Variants in CFAP47 observed in about 807,000 individuals in gnomAD.
CFAP47 encodes the protein cilia- and flagella-associated protein 47.
Under a neutral mutation model 148.1 loss-of-function variants are expected in CFAP47, and 29 were observed. The observed-to-expected ratio is 0.20, with a 90% CI of 0.15 to 0.27. CFAP47 has a LOEUF of 0.27. Ranked by LOEUF, CFAP47 falls within the 10% of genes least tolerant of loss-of-function variation. CFAP47 has a pLI of 1.00. For missense variants in CFAP47, 1,872 were observed against 1,697.5 expected (o/e 1.10, Z -1.81); for synonymous variants, 664 against 577.3 (o/e 1.15, Z -2.15).
At chrX:36,012,048 C>A (rs766826051) in intron 21 of CFAP47, among the ~76,000 whole-genome samples, 1 of 110,963 alleles carries the variant, frequency 9.0e-6, no homozygotes, top group Non-Finnish European at 1.9e-5. Context: ...ATTTATGTGG[C>A]CAGCAAGCAT....
intron 1 of CFAP47, among the ~76,000 whole-genome samples, chrX:35,922,458 A>G (rs751541775): frequency 4.4e-5 from 5 of 112,673 alleles, no homozygotes; most frequent in Non-Finnish European, 9.4e-5. Context: ...AGAGTGCTCA[A>G]CAACATGCAG....
chrX:35,941,368 A>T lies in CFAP47; in HGVS notation c.487A>T (p.Ile163Phe). 1.8e-6 allele frequency: 2 copies of T among 1,127,867 alleles called. No individual in the cohort carries two copies. Among genetic ancestry groups the T allele is most frequent in the South Asian group, 2.1e-5 (1 of 47,655 alleles). 92.9% of individuals were successfully genotyped at this position (1,127,867 alleles called of 1,213,427 possible). The change falls in exon 3 of 64, where the codon ATT (isoleucine) becomes TTT (phenylalanine). Residue 163 changes from isoleucine (I) to phenylalanine (F), a missense_variant. Transcript: ENST00000378653. ...CAATAGTAAAGTATATTCTAAAGAGATTACTATCACTAACCATGGCAAAGC... is the reference window on the plus strand; with the variant it reads ...CAATAGTAAAGTATATTCTAAAGAGTTTACTATCACTAACCATGGCAAAGC... ...VANSKVYSKE[I>F]TITNHGKAPG...
chrX:36,175,459 A>T (rs1035689042), intron 39 of CFAP47, among the ~76,000 whole-genome samples: 47 of 111,325 alleles, frequency 4.2e-4, no homozygotes, highest in African/African-American at 1.4e-3. Flanking sequence ...GATGATGGTG[A>T]TGTACAGATT....
intron 33 of CFAP47, among the ~76,000 whole-genome samples, chrX:36,107,545 A>T (rs1938485824): frequency 8.9e-6 from 1 of 112,398 alleles, no homozygotes; most frequent in African/African-American, 3.2e-5. Context: ...AAGTATTTAA[A>T]ACTAGTTGAA....
intron 29 of CFAP47, among the ~76,000 whole-genome samples, chrX:36,084,984 G>A (rs1189649852): frequency 9.0e-6 from 1 of 111,285 alleles, no homozygotes; most frequent in Non-Finnish European, 1.9e-5. Flanking sequence ...TAGATAGCTT[G>A]CCATACTCAC....
chrX:36,335,094 G>A (rs1167504055), intron 57 of CFAP47, among the ~76,000 whole-genome samples: 1 of 110,634 alleles, frequency 9.0e-6, no homozygotes, highest in Non-Finnish European at 1.9e-5. Flanking sequence ...CACATTATCT[G>A]TATTTAAATA....
chrX:35,930,724 T>C (rs1457611873), intron 2 of CFAP47, among the ~76,000 whole-genome samples: 1 of 111,879 alleles, frequency 8.9e-6, no homozygotes, highest in Non-Finnish European at 1.9e-5. Context: ...TTTATGATTT[T>C]AGAGCTGTTA....
intron 39 of CFAP47, among the ~76,000 whole-genome samples, chrX:36,169,797 C>A (rs772236627): frequency 9.0e-6 from 1 of 111,490 alleles, no homozygotes; most frequent in East Asian, 2.8e-4. Context: ...TTTTGTTTGA[C>A]CCAACTGCTG....
intron 62 of CFAP47, among the ~76,000 whole-genome samples, chrX:36,377,135 A>G (rs1942031441): frequency 1.8e-5 from 2 of 111,555 alleles, no homozygotes; most frequent in South Asian, 7.5e-4. Context: ...TTGGGTATAT[A>G]TCCAGTAATG....
chrX:36,165,324 A>G (rs1465131473), intron 39 of CFAP47, among the ~76,000 whole-genome samples: 1 of 111,522 alleles, frequency 9.0e-6, no homozygotes, highest in Non-Finnish European at 1.9e-5. Context: ...TTTTAATAAT[A>G]GTGAATATTT....
rs1940798735 is a variant in CFAP47, at chrX:36,259,996, A to G, written c.7444+8552A>G. Among the ~76,000 whole-genome samples the G allele has an allele frequency of 1.8e-5, 2 of 111,470 alleles. 1 individual carries two copies. Among genetic ancestry groups the G allele is most frequent in the Admixed American group, 1.9e-4 (2 of 10,456 alleles). On this transcript the variant is annotated intron_variant, in intron 49 of 63. Transcript: ENST00000378653. ...TTTCTGTTCCTGTGTTAGTTTGCTC[A>G]GGATAATGGCCTCCAGATGCATCCA...
intron 22 of CFAP47, among the ~76,000 whole-genome samples, chrX:36,024,277 T>C (rs1408531066): frequency 8.9e-6 from 1 of 111,882 alleles, no homozygotes; most frequent in African/African-American, 3.3e-5. Flanking sequence ...CCCTGACTGG[T>C]GCCCTATCCT....
intron 46 of CFAP47, among the ~76,000 whole-genome samples, chrX:36,233,503 T>C (rs1940402062): frequency 9.0e-6 from 1 of 111,480 alleles, no homozygotes; most frequent in Non-Finnish European, 1.9e-5. Flanking sequence ...TGAGCCTATG[T>C]GTGTCTCTGC....
intron 2 of CFAP47, among the ~76,000 whole-genome samples, chrX:35,933,980 A>T (rs6527522): frequency 0.19 from 20,474 of 110,661 alleles, 1,562 homozygotes; most frequent in African/African-American, 0.28. Flanking sequence ...TAATCCTTTG[A>T]CAGATGTGTA....
At chrX:36,034,787 C>T (rs1311763951) in intron 23 of CFAP47, among the ~76,000 whole-genome samples, 2 of 110,501 alleles carry the variant, frequency 1.8e-5, no homozygotes, top group East Asian at 5.7e-4. Context: ...CAACATTTCT[C>T]CAAGATCCCC....
At chrX:36,008,629 G>T (rs886503869) in intron 21 of CFAP47, among the ~76,000 whole-genome samples, 2 of 109,335 alleles carry the variant, frequency 1.8e-5, no homozygotes, top group Admixed American at 2.0e-4. Flanking sequence ...AAATAGCCGG[G>T]CATGGTGATG....
chrX:35,933,759 G>T (rs1935867363), intron 2 of CFAP47, among the ~76,000 whole-genome samples: 1 of 111,975 alleles, frequency 8.9e-6, no homozygotes, highest in Non-Finnish European at 1.9e-5. Flanking sequence ...TTGGATAAAA[G>T]ACATTTTAAT....
At chrX:35,931,475 A>AT (rs200650227) in intron 2 of CFAP47, among the ~76,000 whole-genome samples, 4,376 of 111,440 alleles carry the variant, frequency 0.039, 205 homozygotes, top group African/African-American at 0.13. Flanking sequence ...CCTTCCCCAT[A>AT]TTTCGACCTC....
intron 56 of CFAP47, among the ~76,000 whole-genome samples, chrX:36,316,878 C>T (rs983418026): frequency 7.2e-5 from 8 of 111,808 alleles, no homozygotes; most frequent in Non-Finnish European, 1.5e-4. Context: ...CTCCACCTCC[C>T]GGGCTCAGAT....
Sources: gnomAD v4.1 joint callset for allele counts (sites outside exome capture counted in the v4.1 genomes callset) on GRCh38, gnomAD v4.1.1 for gene constraint, MANE v1.5 for transcripts, NCBI Gene and HGNC (gene_info 2026-07-23, HGNC 2026-07-21) for gene names.